The following DIP2C variants were observed in gnomAD, a reference collection of about 807,000 sequenced individuals.
DIP2C encodes the protein DIP2 acetate--CoA ligase C (putative).
A neutral mutation model predicts 192.4 loss-of-function variants in DIP2C; 33 were observed. The ratio of observed to expected loss-of-function variants is 0.17; its 90% confidence interval spans 0.13 to 0.23. DIP2C has a LOEUF of 0.23. DIP2C is among the 10% of genes least tolerant of loss of function. The pLI, the probability that DIP2C is intolerant of heterozygous loss-of-function variation, is 1.00. For missense variants in DIP2C, 1,537 were observed against 2,110.1 expected, an observed-to-expected ratio of 0.73 and a Z score of 5.32; for synonymous variants, 979 against 864.1, an observed-to-expected ratio of 1.13 and a Z score of -2.33.
intron 1 of DIP2C, among the ~76,000 whole-genome samples, chr10:552,133 G>A (rs1383562396): frequency 1.3e-5 from 2 of 152,200 alleles, no homozygotes; most frequent in Non-Finnish European, 2.9e-5. Context: ...TGTAACTGAC[G>A]GAGGCTGTCG....
At chr10:462,353 TG>T (rs1969858881) in intron 3 of DIP2C, among the ~76,000 whole-genome samples, 1 of 152,148 alleles carries the variant, frequency 6.6e-6, no homozygotes, top group African/African-American at 2.4e-5. Flanking sequence ...ATATCACCAC[TG>T]ATCCCACAGA....
At chr10:554,976 T>C (rs1203538428) in intron 1 of DIP2C, among the ~76,000 whole-genome samples, 2 of 152,168 alleles carry the variant, frequency 1.3e-5, no homozygotes. Context: ...CACTTTTGTA[T>C]ATGGAGTCTC....
chr10:295,419 G>A (rs1158619710), intron 32 of DIP2C, among the ~76,000 whole-genome samples: 3 of 151,690 alleles, frequency 2.0e-5, no homozygotes, highest in African/African-American at 7.3e-5. Flanking sequence ...AAATTAGCCG[G>A]GTGCGGTGGC....
chr10:637,904 G>A (rs1224885901), intron 1 of DIP2C, among the ~76,000 whole-genome samples: 2 of 152,184 alleles, frequency 1.3e-5, no homozygotes, highest in African/African-American at 2.4e-5. Flanking sequence ...GTCAGAGTCA[G>A]TCCAGAGCTT....
chr10:512,651 C>T (rs564771270), intron 1 of DIP2C, among the ~76,000 whole-genome samples: 6 of 152,138 alleles, frequency 3.9e-5, no homozygotes, highest in South Asian at 4.2e-4. Context: ...CAGTGGCTCA[C>T]GCCTGGAATC....
intron 17 of DIP2C, among the ~76,000 whole-genome samples, chr10:375,064 T>C (rs1293528626): frequency 1.3e-5 from 2 of 152,216 alleles, no homozygotes; most frequent in African/African-American, 4.8e-5. Flanking sequence ...TACGTACCTG[T>C]GTATACAATA....
At chr10:662,697 G>C in intron 1 of DIP2C, 3 of 556,876 alleles carry the variant, frequency 5.4e-6, no homozygotes, top group South Asian at 2.8e-5. Context: ...AATTAGGTAT[G>C]GGCAGAAAAT....
intron 1 of DIP2C, chr10:650,426 C>T (rs554281573): frequency 5.6e-6 from 4 of 712,732 alleles, no homozygotes; most frequent in East Asian, 5.4e-5. Flanking sequence ...CGCAGGCCGA[C>T]AACATCTTCA....
chr10:489,399 G>A (rs1033784368), intron 1 of DIP2C, among the ~76,000 whole-genome samples: 11 of 152,206 alleles, frequency 7.2e-5, no homozygotes, highest in African/African-American at 2.2e-4. Flanking sequence ...ATAGACAGAC[G>A]ACAGAGATGA....
chr10:362,679 T>A lies in DIP2C; in HGVS notation c.2605A>T (p.Ile869Leu), dbSNP rs1238952472. Residue 869 changes from isoleucine (I) to leucine (L), a missense_variant, in exon 22 of 37, where the codon ATA (isoleucine) becomes TTA (leucine). Ile to Leu is a conservative substitution (Grantham distance 5). Around this residue, in one of 4 missense-constraint regions of DIP2C, gnomAD observed 677 missense variants for 989.9 expected, o/e 0.68. Transcript: ENST00000280886. Reference protein sequence around the residue: ...MSRVLQAIDSIHQVGVYCLAL... With the variant: ...MSRVLQAIDSLHQVGVYCLAL... ...AGGCAATAAACTCCAACTTGATGTA[T>A]ACTGTCAATCGCCTAGAAAGTTAAT... The A allele has an allele frequency of 6.2e-7, 1 of 1,610,012 alleles. No homozygotes were observed. Among genetic ancestry groups the A allele is most frequent in the Non-Finnish European group, 8.5e-7 (1 of 1,177,574 alleles).
chr10:680,870 C>G (rs1228663952), intron 1 of DIP2C, among the ~76,000 whole-genome samples: 1 of 152,168 alleles, frequency 6.6e-6, no homozygotes, highest in African/African-American at 2.4e-5. Flanking sequence ...GTGCAGCCAC[C>G]GCCTGTGGCC....
At chr10:469,039 G>C (rs1970429021) in intron 3 of DIP2C, among the ~76,000 whole-genome samples, 1 of 151,762 alleles carries the variant, frequency 6.6e-6, no homozygotes, top group Non-Finnish European at 1.5e-5. Flanking sequence ...GTGTCACCCT[G>C]GGTGCAGAAT....
At chr10:361,585 G>A (rs1959513096) in intron 22 of DIP2C, among the ~76,000 whole-genome samples, 1 of 152,214 alleles carries the variant, frequency 6.6e-6, no homozygotes, top group Admixed American at 6.5e-5. Flanking sequence ...GGTCACTGGG[G>A]TTGCTGGGTT....
At chr10:511,818 C>A (rs1300821659) in intron 1 of DIP2C, among the ~76,000 whole-genome samples, 1 of 152,226 alleles carries the variant, frequency 6.6e-6, no homozygotes, top group Non-Finnish European at 1.5e-5. Context: ...TATTTAAGGA[C>A]TTCATTATTA....
At chr10:557,947 G>A (rs527479988) in intron 1 of DIP2C, among the ~76,000 whole-genome samples, 2 of 151,756 alleles carry the variant, frequency 1.3e-5, no homozygotes, top group South Asian at 4.2e-4. Context: ...GCGAAACCCT[G>A]GAGGGCTGGA....
intron 31 of DIP2C, chr10:324,855 CTG>C (rs1957195921): frequency 6.1e-6 from 3 of 495,428 alleles, no homozygotes; most frequent in African/African-American, 5.8e-5. Flanking sequence ...CACGCCAACT[CTG>C]TTCTTCATTC....
intron 1 of DIP2C, chr10:662,168 G>C (rs1165551209): frequency 1.4e-6 from 1 of 715,220 alleles, no homozygotes; most frequent in African/African-American, 1.7e-5. Flanking sequence ...CCCTCAGATA[G>C]GCACATGCAT....
At chr10:609,562 C>G (rs1852920940) in intron 1 of DIP2C, among the ~76,000 whole-genome samples, 1 of 152,192 alleles carries the variant, frequency 6.6e-6, no homozygotes, top group Non-Finnish European at 1.5e-5. Flanking sequence ...TGTAAGTCAT[C>G]TCCTTTATCT....
chr10:391,551 C>A, intron 10 of DIP2C, among the ~76,000 whole-genome samples: 1 of 152,234 alleles, frequency 6.6e-6, no homozygotes, highest in East Asian at 1.9e-4. Context: ...TGTCCAGCTG[C>A]CCAAAGGCAG....
Sources: gnomAD v4.1 joint callset for allele counts (sites outside exome capture counted in the v4.1 genomes callset) on GRCh38, gnomAD v4.1.1 for gene constraint, gnomAD v4.1.1 regional missense constraint, MANE v1.5 for transcripts, NCBI Gene and HGNC (gene_info 2026-07-23, HGNC 2026-07-21) for gene names.